Variants in MCOLN2 observed in about 807,000 individuals in gnomAD.
The protein encoded by MCOLN2 is mucolipin-2.
In MCOLN2, 57 loss-of-function variants were observed where a neutral mutation model predicts 67.5. The observed-to-expected ratio is 0.84, with a 90% CI of 0.68 to 1.05. The LOEUF (loss-of-function observed/expected upper bound fraction) is 1.05. Ranked by LOEUF, MCOLN2 falls within the 50% of genes least tolerant of loss-of-function variation. The pLI, the probability that MCOLN2 is intolerant of heterozygous loss-of-function variation, is 0.00. For synonymous variants in MCOLN2, 246 were observed against 233.3 expected, an observed-to-expected ratio of 1.05 and a Z score of -0.50; for missense variants, 620 against 678.8, an observed-to-expected ratio of 0.91 and a Z score of 0.96.
chr1:84,940,963 C>T lies in MCOLN2; in HGVS notation c.876G>A (p.Val292=). 6.2e-7 allele frequency: 1 copy of T among 1,613,344 alleles called. No homozygotes were observed. The highest frequency in any genetic ancestry group is 1.1e-5 in the South Asian group (1 of 90,950). ...AAATCACAATGACAAATGCATCAAACACCAGGACATACTGAGCATTTTTCT... is the reference window on the plus strand; with the variant it reads ...AAATCACAATGACAAATGCATCAAATACCAGGACATACTGAGCATTTTTCT... ...STQKNAQYVL[V]FDAFVIVICL... is the part of the protein sequence containing the mutation. The change falls in exon 8 of 14, where the codon GTG becomes GTA. Residue 292 remains valine, a synonymous_variant. Transcript: ENST00000370608.
At chr1:84,986,944 T>C (rs1015450688) in intron 1 of MCOLN2, among the ~76,000 whole-genome samples, 13 of 152,036 alleles carry the variant, frequency 8.6e-5, no homozygotes, top group African/African-American at 3.1e-4. Context: ...TGTAAACTCA[T>C]ACAACCACTG....
intron 1 of MCOLN2, among the ~76,000 whole-genome samples, chr1:84,995,805 T>TAAAA (rs35541746): frequency 0.12 from 15,009 of 125,884 alleles, 983 homozygotes; most frequent in East Asian, 0.35. Context: ...CTCTATTTTT[T>TAAAA]TAAAAAAAAA....
At chr1:84,967,141 C>T (rs1649419201) in intron 1 of MCOLN2, among the ~76,000 whole-genome samples, 1 of 152,174 alleles carries the variant, frequency 6.6e-6, no homozygotes, top group Non-Finnish European at 1.5e-5. Flanking sequence ...TCCGGAGTTC[C>T]TAAAATCCAT....
chr1:84,939,704 T>C lies in MCOLN2; in HGVS notation c.961-2A>G, dbSNP rs757190974. ...CTCCAGGAAGAAATTTAGAAATCTC[T>C]ATGGCAAACATTTAAAGAAGCGTTT... On this transcript the variant is annotated splice_acceptor_variant, in intron 8 of 13. Transcript: ENST00000370608. LOFTEE classifies it high-confidence loss of function. 1 of 1,613,574 alleles carries C rather than the reference T, an allele frequency of 6.2e-7. No homozygotes were observed.
rs1306482379 is a variant in MCOLN2 at position 84,939,721 on chromosome 1, GA to G, written c.961-20del. The G allele has an allele frequency of 6.2e-7, 1 of 1,613,498 alleles. No homozygotes were observed. The highest frequency in any genetic ancestry group is 1.7e-5 in the Admixed American group (1 of 59,848). Reference sequence around the variant, plus strand: ...GAAATCTCTATGGCAAACATTTAAAGAAGCGTTTCTTACAAACCACACTGCC... The same window carrying G: ...GAAATCTCTATGGCAAACATTTAAAGAGCGTTTCTTACAAACCACACTGCC... On this transcript the variant is annotated intron_variant, in intron 8 of 13. Transcript: ENST00000370608.
chr1:84,931,367 T>G lies in MCOLN2; in HGVS notation c.1537A>C (p.Ile513Leu), dbSNP rs138932938. The part of the protein sequence containing the change: ...IALITDSYDT[I>L]KKFQQNGFPE... ...AAATTTTGATAATTACTTACCTTAA[T>G]GGTGTCATAAGAATCTGTAATAAGT... Residue 513 changes from isoleucine to leucine, a missense_variant, in exon 12 of 14, where the codon ATT (isoleucine) becomes CTT (leucine). Ile to Leu is a conservative substitution (Grantham distance 5). Coordinates refer to ENST00000370608, the MANE Select transcript of MCOLN2 (RefSeq NM_153259.4). 1 of 1,534,230 alleles carries G rather than the reference T, an allele frequency of 6.5e-7. No individual in the cohort carries two copies. Among genetic ancestry groups the G allele is most frequent in the Non-Finnish European group, 9.0e-7 (1 of 1,108,908 alleles).
chr1:84,931,454 G>A lies in MCOLN2; in HGVS notation c.1450C>T (p.Arg484Cys), dbSNP rs761807547. ...CTGATGAAGGAATATAAATACAGAC[G>A]ACTGAACAGCCACACCAAGATGCTC... ...QKSILVWLFS[R>C]LYLYSFISLF... Residue 484 changes from arginine to cysteine, a missense_variant, in exon 12 of 14, where the codon CGT (arginine) becomes TGT (cysteine). By Grantham distance (180) the Arg-to-Cys change is radical. Transcript: ENST00000370608. 9 of 1,611,694 alleles carry A rather than the reference G, an allele frequency of 5.6e-6. No individual in the cohort carries two copies. The highest frequency in any genetic ancestry group is 2.2e-5 in the East Asian group (1 of 44,874).
Position 84,962,933 on chromosome 1 carries a change from C to T in MCOLN2, c.237+2616G>A, listed in dbSNP as rs149012515. Among the ~76,000 whole-genome samples the T allele has an allele frequency of 1.3e-4, 20 of 152,240 alleles. No individual in the cohort carries two copies. The East Asian group carries it at 1.7e-3, about 13-fold the overall frequency. On this transcript the variant is annotated intron_variant, in intron 2 of 13. Coordinates refer to ENST00000370608, the MANE Select transcript of MCOLN2 (RefSeq NM_153259.4). ...CGAAAAATTAAGCTGATATTAGCAT[C>T]GAATGTATATGGATAAGAAAGGTAG...
At chr1:84,931,657 T>C in intron 11 of MCOLN2, 89 bp from the exon 12 acceptor site, 1 of 1,113,482 alleles carries the variant, frequency 9.0e-7, no homozygotes, top group Admixed American at 1.9e-5. Flanking sequence ...AACATTGTTT[T>C]TGTCATTGTA....
intron 11 of MCOLN2, among the ~76,000 whole-genome samples, chr1:84,934,022 G>A (rs1647297155): frequency 6.6e-6 from 1 of 152,174 alleles, no homozygotes; most frequent in African/African-American, 2.4e-5. Context: ...GTAGAAGTGA[G>A]CTTAAAAATA....
At chr1:84,982,089 A>ATTTT (rs764293611) in intron 1 of MCOLN2, among the ~76,000 whole-genome samples, 22 of 129,608 alleles carry the variant, frequency 1.7e-4, no homozygotes, top group Admixed American at 3.7e-4. Context: ...TTTTTTTTTA[A>ATTTT]AAAAAAGATG....
At chr1:84,940,329 T>C (rs535459964) in intron 8 of MCOLN2, among the ~76,000 whole-genome samples, 1 of 152,286 alleles carries the variant, frequency 6.6e-6, no homozygotes, top group Non-Finnish European at 1.5e-5. Context: ...AGTGTGCATT[T>C]GTACACACGC....
chr1:84,954,425 T>C (rs150980750), intron 4 of MCOLN2, among the ~76,000 whole-genome samples: 74 of 152,326 alleles, frequency 4.9e-4, no homozygotes, highest in Non-Finnish European at 9.6e-4. Flanking sequence ...CAAAAACATA[T>C]TGGCACTTAA....
At chr1:84,930,003 C>A (rs1345881124) in intron 12 of MCOLN2, among the ~76,000 whole-genome samples, 1 of 151,976 alleles carries the variant, frequency 6.6e-6, no homozygotes, top group Admixed American at 6.6e-5. Flanking sequence ...TGGCTCATGC[C>A]TGTAATCCCA....
chr1:84,952,104 T>C (rs1648514855), intron 6 of MCOLN2, 139 bp downstream of exon 6: 1 of 605,448 alleles, frequency 1.7e-6, no homozygotes, highest in Non-Finnish European at 2.9e-6. Context: ...AAGAAAAGAG[T>C]ATCATATTGT....
intron 7 of MCOLN2, among the ~76,000 whole-genome samples, chr1:84,945,156 C>A (rs1648024254): frequency 6.6e-6 from 1 of 152,168 alleles, no homozygotes; most frequent in Non-Finnish European, 1.5e-5. Flanking sequence ...CTCTTCTGAG[C>A]ACAAGCAAGG....
In MCOLN2 at chr1:84,956,580, T is replaced by C; in HGVS notation, c.416A>G (p.His139Arg). 1 of 1,577,320 alleles carries C rather than the reference T, an allele frequency of 6.3e-7. No homozygotes were observed. The highest frequency in any genetic ancestry group is 8.6e-7 in the Non-Finnish European group (1 of 1,168,796). Residue 139 changes from histidine (H) to arginine (R), a missense_variant, in exon 4 of 14, where the codon CAT becomes CGT. His to Arg is a conservative substitution (Grantham distance 29, BLOSUM62 0). Coordinates refer to ENST00000370608, the MANE Select transcript of MCOLN2 (RefSeq NM_153259.4). ...CCCCAGGGTAATGTCCTTTAGCTGATGATACTATTAAAAAATAGTCAAGTA... is the reference window on the plus strand; with the variant it reads ...CCCCAGGGTAATGTCCTTTAGCTGACGATACTATTAAAAAATAGTCAAGTA... ...ESIFFAINQY[H>R]QLKDITLGTL...
At chr1:84,987,493 T>G (rs1650611087) in intron 1 of MCOLN2, among the ~76,000 whole-genome samples, 2 of 14,300 alleles carry the variant, frequency 1.4e-4, no homozygotes, top group Admixed American at 1.4e-3. Flanking sequence ...TATATACATA[T>G]GTATACATAG....
chr1:84,939,716 T>C lies in MCOLN2; in HGVS notation c.961-14A>G. 1.2e-6 allele frequency: 2 copies of C among 1,613,574 alleles called. No individual in the cohort carries two copies. Among genetic ancestry groups the C allele is most frequent in the Non-Finnish European group, 8.5e-7 (1 of 1,179,826 alleles). On this transcript the variant is annotated splice_polypyrimidine_tract_variant and intron_variant, in intron 8 of 13. Transcript: ENST00000370608. ...ATTTAGAAATCTCTATGGCAAACATTTAAAGAAGCGTTTCTTACAAACCAC... is the reference window on the plus strand; with the variant it reads ...ATTTAGAAATCTCTATGGCAAACATCTAAAGAAGCGTTTCTTACAAACCAC...
Sources: allele counts gnomAD v4.1 joint callset (sites outside exome capture counted in the v4.1 genomes callset), GRCh38; gene constraint gnomAD v4.1.1; transcripts MANE v1.5; gene names NCBI Gene and HGNC (gene_info 2026-07-23, HGNC 2026-07-21).